Variants in ELMOD1 observed in about 807,000 individuals in gnomAD.
ELMOD1 encodes ELMO domain-containing protein 1.
In ELMOD1, 21 loss-of-function variants were observed where a neutral mutation model predicts 46.7. That is an observed-to-expected ratio of 0.45 (90% CI 0.32 to 0.65). The LOEUF is 0.65. Ranked by LOEUF, ELMOD1 falls within the 30% of genes least tolerant of loss-of-function variation. The pLI, the probability that ELMOD1 is intolerant of heterozygous loss-of-function variation, is 0.04. For missense variants in ELMOD1, 348 were observed against 407.8 expected, an observed-to-expected ratio of 0.85 and a Z score of 1.26; for synonymous variants, 122 against 138.2, an observed-to-expected ratio of 0.88 and a Z score of 0.82.
rs1224237241 is a variant in ELMOD1 at position 107,656,059 on chromosome 11, A to G, written c.825A>G (p.Gln275=). Residue 275 remains glutamine, a synonymous_variant, in exon 11 of 12, where the codon CAA becomes CAG. Coordinates refer to ENST00000265840, the MANE Select transcript of ELMOD1 (RefSeq NM_018712.4). ...PEAPTLSHFQ[Q]TFCYLMHEFH... The stretch of plus-strand genomic sequence containing the variant: ...CTCCAACATTGTCTCACTTTCAGCA[A>G]ACATTCTGTAAGTATCCTGTTGTAT... 13 of 1,553,318 alleles carry G rather than the reference A, an allele frequency of 8.4e-6. No individual in the cohort carries two copies. Among genetic ancestry groups the G allele is most frequent in the Non-Finnish European group, 1.0e-5 (12 of 1,147,504 alleles).
At chr11:107,626,759 A>G (rs1301946893) in intron 2 of ELMOD1, among the ~76,000 whole-genome samples, 1 of 152,104 alleles carries the variant, frequency 6.6e-6, no homozygotes, top group Non-Finnish European at 1.5e-5. Context: ...TGTCAAACCA[A>G]TATAACATTC....
At chr11:107,592,471 T>A (rs377234878) in intron 1 of ELMOD1, 3 of 533,484 alleles carry the variant, frequency 5.6e-6, no homozygotes, top group Admixed American at 3.9e-5. Context: ...CAACCGTCCT[T>A]AACTGGTGCT....
intron 6 of ELMOD1, among the ~76,000 whole-genome samples, chr11:107,647,044 A>G (rs1025453415): frequency 5.3e-5 from 8 of 152,232 alleles, no homozygotes; most frequent in South Asian, 2.1e-4. Flanking sequence ...TTTAAACATT[A>G]AAATATATAA....
At chr11:107,657,678 G>A (rs754379403) in intron 11 of ELMOD1, among the ~76,000 whole-genome samples, 14 of 152,140 alleles carry the variant, frequency 9.2e-5, no homozygotes, top group South Asian at 2.1e-4. Context: ...ATGCAAGGTC[G>A]TAAACATTTT....
chr11:107,606,407 G>A (rs895250607), intron 1 of ELMOD1, among the ~76,000 whole-genome samples: 2 of 152,176 alleles, frequency 1.3e-5, no homozygotes, highest in African/African-American at 2.4e-5. Context: ...CCTCAGAGAC[G>A]TGCTTCTGCT....
At chr11:107,595,834 C>T (rs1412671916) in intron 1 of ELMOD1, among the ~76,000 whole-genome samples, 1 of 152,012 alleles carries the variant, frequency 6.6e-6, no homozygotes, top group Non-Finnish European at 1.5e-5. Flanking sequence ...ATAAAATAAA[C>T]TCTTAAGTGT....
intron 1 of ELMOD1, chr11:107,591,941 GCCT>G (rs1865404608): frequency 3.9e-6 from 2 of 515,566 alleles, no homozygotes; most frequent in East Asian, 5.7e-5. Context: ...GTTGAGCTGC[GCCT>G]CCTCCAACTG....
At chr11:107,645,451 G>A (rs1204870609) in intron 6 of ELMOD1, among the ~76,000 whole-genome samples, 2 of 152,064 alleles carry the variant, frequency 1.3e-5, no homozygotes, top group Admixed American at 1.3e-4. Flanking sequence ...AGCCTCCCAA[G>A]TAGTTGGGAT....
At chr11:107,613,469 C>T (rs545504604) in intron 1 of ELMOD1, among the ~76,000 whole-genome samples, 1 of 152,264 alleles carries the variant, frequency 6.6e-6, no homozygotes, top group African/African-American at 2.4e-5. Context: ...CCATATCTGC[C>T]AAATTTTCTC....
rs1866450686 is a variant in ELMOD1 at position 107,647,468 on chromosome 11, T to C, written c.421T>C (p.Leu141=). The change falls in exon 7 of 12, where the codon TTA becomes CTA. Residue 141 remains leucine (L), a splice_region_variant and synonymous_variant. Transcript: ENST00000265840. ...GTAATCCTTTTTTTTTTTCCTACAG[T>C]TATGGAAATTCTTGAAGCCCAATAC... The part of the protein sequence containing the change: ...NPQHEEMLLK[L]WKFLKPNTPL... 2.5e-6 allele frequency: 4 copies of C among 1,609,286 alleles called. No individual in the cohort carries two copies. In the South Asian group the frequency reaches 4.5e-5, roughly 18 times the overall value.
At chr11:107,643,172 T>A (rs1223724617) in intron 6 of ELMOD1, 1 of 180,900 alleles carries the variant, frequency 5.5e-6, no homozygotes, top group African/African-American at 2.4e-5. Context: ...TGAAACCCCA[T>A]CCTGACCAAC....
At chr11:107,621,332 C>T (rs1156714554) in intron 2 of ELMOD1, among the ~76,000 whole-genome samples, 2 of 152,114 alleles carry the variant, frequency 1.3e-5, no homozygotes, top group Admixed American at 6.6e-5. Context: ...CAGACTTATC[C>T]CATGTCCCAA....
At chr11:107,649,864 A>G (rs1051075968) in intron 7 of ELMOD1, among the ~76,000 whole-genome samples, 2 of 152,196 alleles carry the variant, frequency 1.3e-5, no homozygotes, top group African/African-American at 4.8e-5. Context: ...TAACATATCT[A>G]TGCTCAGTAA....
At chr11:107,628,161 T>C (rs1013775541) in intron 2 of ELMOD1, among the ~76,000 whole-genome samples, 4 of 149,652 alleles carry the variant, frequency 2.7e-5, no homozygotes, top group Non-Finnish European at 5.9e-5. Context: ...GCTGAGGGGT[T>C]TTTTTGTTTT....
At chr11:107,619,037 C>G (rs1335495810) in intron 2 of ELMOD1, among the ~76,000 whole-genome samples, 2 of 152,180 alleles carry the variant, frequency 1.3e-5, no homozygotes, top group Non-Finnish European at 2.9e-5. Flanking sequence ...CCTGTTTTCT[C>G]TAAGCAAATT....
intron 5 of ELMOD1, 70 bp from the exon 6 acceptor site, chr11:107,635,566 C>T: frequency 6.6e-7 from 1 of 1,508,582 alleles, no homozygotes; most frequent in Non-Finnish European, 9.0e-7. Flanking sequence ...ATGCATACAT[C>T]AAGTGAACAA....
At chr11:107,609,490 C>A (rs1865740750) in intron 1 of ELMOD1, among the ~76,000 whole-genome samples, 1 of 152,146 alleles carries the variant, frequency 6.6e-6, no homozygotes, top group Non-Finnish European at 1.5e-5. Context: ...GAAAGGAGTT[C>A]CGTCCCTTCT....
intron 2 of ELMOD1, among the ~76,000 whole-genome samples, chr11:107,621,069 T>C (rs1468892546): frequency 6.6e-6 from 1 of 152,226 alleles, no homozygotes; most frequent in Non-Finnish European, 1.5e-5. Context: ...GTGCTGAAGA[T>C]CATTTCCCTC....
At chr11:107,620,705 A>C (rs1276185500) in intron 2 of ELMOD1, among the ~76,000 whole-genome samples, 1 of 152,178 alleles carries the variant, frequency 6.6e-6, no homozygotes, top group African/African-American at 2.4e-5. Flanking sequence ...CTCTACTAAA[A>C]ATACAGAAAT....
Sources: gnomAD v4.1 joint callset for allele counts (sites outside exome capture counted in the v4.1 genomes callset) on GRCh38, gnomAD v4.1.1 for gene constraint, MANE v1.5 for transcripts, NCBI Gene and HGNC (gene_info 2026-07-23, HGNC 2026-07-21) for gene names.